Variants in USP8 observed in about 807,000 individuals in gnomAD.
USP8 encodes the protein ubiquitin specific peptidase 8.
Under a neutral mutation model 130.0 loss-of-function variants are expected in USP8, and 27 were observed. The ratio of observed to expected loss-of-function variants is 0.21; its 90% confidence interval spans 0.15 to 0.29. The LOEUF (loss-of-function observed/expected upper bound fraction) is 0.29. USP8 is among the 10% of genes least tolerant of loss of function. The pLI is 1.00. For missense variants in USP8, 1,029 were observed against 1,312.2 expected, an observed-to-expected ratio of 0.78 and a Z score of 3.33; for synonymous variants, 392 against 444.1, an observed-to-expected ratio of 0.88 and a Z score of 1.48.
rs894655355 is a variant in USP8, at chr15:50,433,296, T to C, written c.-65-5713T>C. 2.0e-5 allele frequency among the ~76,000 whole-genome samples: 3 copies of C among 151,250 alleles called. No individual in the cohort carries two copies. In the South Asian group the frequency reaches 6.3e-4, roughly 32 times the overall value. ...TTTGTGGCACCTTATACAGAACGAGTGTAGAGTGGATTATGAGATTTAAGA... is the reference window on the plus strand; with the variant it reads ...TTTGTGGCACCTTATACAGAACGAGCGTAGAGTGGATTATGAGATTTAAGA... On this transcript the variant is annotated intron_variant, in intron 1 of 19. Transcript: ENST00000307179.
intron 12 of USP8, among the ~76,000 whole-genome samples, chr15:50,487,165 C>T (rs537117496): frequency 1.3e-5 from 2 of 151,600 alleles, no homozygotes; most frequent in Non-Finnish European, 2.9e-5. Context: ...CCAAATATCA[C>T]CTGTACCCCA....
At chr15:50,472,890 G>A (rs11638198) in intron 8 of USP8, among the ~76,000 whole-genome samples, 21,374 of 152,130 alleles carry the variant, frequency 0.14, 1,976 homozygotes, top group Middle Eastern at 0.28. Context: ...AGCCTGGGCA[G>A]CAAGAGCAGA....
Position 50,507,656 on chromosome 15 carries a change from G to A in USP8, c.*8568G>A, listed in dbSNP as rs899341237. 2 of 152,056 alleles carry A rather than the reference G, an allele frequency of 1.3e-5. No individual in the cohort carries two copies. The highest frequency in any genetic ancestry group is 4.8e-5 in the African/African-American group (2 of 41,368). 9.4% of individuals were successfully genotyped at this position (152,056 alleles called of 1,614,324 possible). On this transcript the variant is annotated 3_prime_UTR_variant, in exon 20 of 20. Coordinates refer to ENST00000307179, the MANE Select transcript of USP8 (RefSeq NM_005154.5). The stretch of plus-strand genomic sequence containing the variant: ...GTTTTGACAAGTCTACCATCATAAT[G>A]GAAGATTTCAACTATTGATCAAGCA...
intron 17 of USP8, among the ~76,000 whole-genome samples, chr15:50,496,522 T>C (rs1397553545): frequency 6.7e-6 from 1 of 149,576 alleles, no homozygotes; most frequent in Non-Finnish European, 1.5e-5. Context: ...TAAAACTCAA[T>C]ATAAATTCTG....
chr15:50,491,038 C>G (rs898466166), intron 14 of USP8, among the ~76,000 whole-genome samples: 1 of 152,062 alleles, frequency 6.6e-6, no homozygotes, highest in African/African-American at 2.4e-5. Context: ...ATTCTGTTTA[C>G]AAATATTGAC....
In USP8 at chr15:50,501,302, GAAAA is replaced by G. The variant is rs59352489; in HGVS notation, c.*2231_*2234del. ...TAGCGAGACTCCATATCTTTTAAAGGAAAAAAAAAAAAAAAAAAAAGATGAGCTA... is the reference window on the plus strand; with the variant it reads ...TAGCGAGACTCCATATCTTTTAAAGGAAAAAAAAAAAAAAAAGATGAGCTA... On this transcript the variant is annotated 3_prime_UTR_variant, in exon 20 of 20. Transcript: ENST00000307179. The G allele has an allele frequency of 6.4e-5, 7 of 108,808 alleles. No homozygotes were observed. Among genetic ancestry groups the G allele is most frequent in the South Asian group, 6.0e-4 (2 of 3,338 alleles). 6.7% of individuals were successfully genotyped at this position (108,808 alleles called of 1,614,324 possible).
intron 7 of USP8, chr15:50,466,714 T>C (rs1275948898): frequency 4.9e-6 from 1 of 205,514 alleles, no homozygotes; most frequent in Non-Finnish European, 9.9e-6. Flanking sequence ...GAGGAACCGG[T>C]CGGTCAGGAA....
intron 7 of USP8, among the ~76,000 whole-genome samples, chr15:50,470,863 G>T (rs1227472991): frequency 6.6e-6 from 1 of 152,204 alleles, no homozygotes; most frequent in Non-Finnish European, 1.5e-5. Flanking sequence ...CTCCCAAAGT[G>T]CTGGGATTAC....
chr15:50,466,791 A>G (rs1367707094), intron 7 of USP8: 3 of 260,056 alleles, frequency 1.2e-5, no homozygotes, highest in East Asian at 1.0e-4. Flanking sequence ...ATAGCAATTC[A>G]CTGAATTCGA....
chr15:50,512,354 G>A lies in USP8; in HGVS notation c.*13266G>A, dbSNP rs1363185583. 1.4e-5 allele frequency: 2 copies of A among 145,344 alleles called. No individual in the cohort carries two copies. The highest frequency in any genetic ancestry group is 2.9e-5 in the Non-Finnish European group (2 of 67,922). The allele number at this position is 145,344 out of a possible 1,614,324, so 9.0% of individuals were successfully genotyped here. A position where few individuals can be genotyped will look rare whatever the true frequency, so the allele number is the denominator to read the frequency against. ...AAAAAAAAAAATAGCGAGAGATCGAGAGAGAGTGCACGTGAGAAGACTAGT... is the reference window on the plus strand; with the variant it reads ...AAAAAAAAAAATAGCGAGAGATCGAAAGAGAGTGCACGTGAGAAGACTAGT... On this transcript the variant is annotated 3_prime_UTR_variant, in exon 20 of 20. Coordinates refer to ENST00000307179, the MANE Select transcript of USP8 (RefSeq NM_005154.5).
intron 11 of USP8, among the ~76,000 whole-genome samples, chr15:50,483,610 C>T (rs1332602423): frequency 3.9e-5 from 6 of 152,112 alleles, no homozygotes; most frequent in East Asian, 3.9e-4. Flanking sequence ...CTGGCTAACA[C>T]GGTAAAACCC....
chr15:50,425,025 C>T (rs1193344033), intron 1 of USP8, among the ~76,000 whole-genome samples: 1 of 151,732 alleles, frequency 6.6e-6, no homozygotes, highest in East Asian at 1.9e-4. Flanking sequence ...AAGTGCCTTC[C>T]ATCCTAGAGT....
intron 2 of USP8, 131 bp from the exon 3 acceptor site, chr15:50,441,218 G>T (rs115365672): frequency 3.7e-6 from 3 of 820,296 alleles, no homozygotes; most frequent in Non-Finnish European, 5.3e-6. Context: ...ATAACAGGCC[G>T]TGAACCAGTA....
rs1229279965 is a variant in USP8, at chr15:50,465,055, A to G, written c.550A>G (p.Thr184Ala). ...TCTCTCTCAATTCCAAGGAGCAATC[A>G]CAGCAAAGGAACTATACACAATGAT... is the stretch of plus-strand genomic sequence containing the variant. ...KCETKEKGAI[T>A]AKELYTMMTD... Residue 184 changes from threonine to alanine, a missense_variant, in exon 7 of 20, where the codon ACA becomes GCA. Around this residue, in one of 4 missense-constraint regions of USP8, gnomAD observed 281 missense variants for 336.7 expected, o/e 0.83. Coordinates refer to ENST00000307179, the MANE Select transcript of USP8 (RefSeq NM_005154.5). 6.2e-7 allele frequency: 1 copy of G among 1,613,750 alleles called. No individual in the cohort carries two copies.
intron 12 of USP8, among the ~76,000 whole-genome samples, chr15:50,488,557 T>A (rs2052043685): frequency 7.9e-6 from 1 of 126,210 alleles, no homozygotes; most frequent in Non-Finnish European, 1.6e-5. Context: ...GTTGGCTTTT[T>A]TTTTTTTTTT....
Position 50,496,103 on chromosome 15 carries a change from G to T in USP8, c.2895+19G>T. On this transcript the variant is annotated intron_variant, in intron 17 of 19. Coordinates refer to ENST00000307179, the MANE Select transcript of USP8 (RefSeq NM_005154.5). ...ATTACAGGTAAGTTTAAGAAGTAGA[G>T]AGAAAATGATTTATTGGATAAAAAT... 1 of 1,556,660 alleles carries T rather than the reference G, an allele frequency of 6.4e-7. No homozygotes were observed. Among genetic ancestry groups the T allele is most frequent in the Non-Finnish European group, 8.8e-7 (1 of 1,139,466 alleles).
chr15:50,491,764 G>T (rs1429880791), intron 14 of USP8, among the ~76,000 whole-genome samples: 6 of 152,292 alleles, frequency 3.9e-5, no homozygotes, highest in Admixed American at 3.3e-4. Flanking sequence ...GGCATTCTCT[G>T]CCCCAGCACT....
intron 15 of USP8, 133 bp from the exon 16 acceptor site, chr15:50,493,937 T>C: frequency 1.9e-6 from 2 of 1,064,970 alleles, no homozygotes; most frequent in African/African-American, 1.6e-5. Flanking sequence ...GTGGTGAGCC[T>C]GCAAATAAAT....
rs557729728 is a variant in USP8 at position 50,500,052 on chromosome 15, A to ACTC, written c.*965_*967dup. 5.4e-3 allele frequency: 821 copies of ACTC among 152,196 alleles called. 10 individuals carry two copies. The highest frequency in any genetic ancestry group is 0.019 in the African/African-American group (777 of 41,504). The allele number at this position is 152,196 out of a possible 1,614,324, so 9.4% of individuals were successfully genotyped here. On this transcript the variant is annotated 3_prime_UTR_variant, in exon 20 of 20. Coordinates refer to ENST00000307179, the MANE Select transcript of USP8 (RefSeq NM_005154.5). ...AGCTTATAATTTATTTAACCGAGGG[A>ACTC]CTCAGTTGCTATATATATAGTCAGT...
Sources: allele counts gnomAD v4.1 joint callset (sites outside exome capture counted in the v4.1 genomes callset), GRCh38; gene constraint gnomAD v4.1.1; regional missense constraint gnomAD v4.1.1; transcripts MANE v1.5; gene names NCBI Gene and HGNC (gene_info 2026-07-23, HGNC 2026-07-21).